Variants in ARID2 observed in about 807,000 individuals in gnomAD.
ARID2 encodes AT-rich interaction domain 2, also known as AT-rich interactive domain-containing protein 2.
In ARID2, 32 loss-of-function variants were observed where a neutral mutation model predicts 184.6. The observed-to-expected ratio is 0.17, with a 90% CI of 0.13 to 0.23. The LOEUF (loss-of-function observed/expected upper bound fraction) is 0.23. Ranked by LOEUF, ARID2 falls within the 10% of genes least tolerant of loss-of-function variation. The pLI is 1.00. For missense variants in ARID2, 1,696 were observed against 2,197.6 expected, an observed-to-expected ratio of 0.77 and a Z score of 4.56; for synonymous variants, 836 against 772.6, an observed-to-expected ratio of 1.08 and a Z score of -1.36.
intron 20 of ARID2, among the ~76,000 whole-genome samples, chr12:45,899,463 G>A (rs981750224): frequency 3.3e-5 from 5 of 149,412 alleles, no homozygotes; most frequent in Non-Finnish European, 4.4e-5. Context: ...AAAATTAGCT[G>A]GGCGTGGTGG....
At chr12:45,765,514 GTTTT>G (rs561418730) in intron 3 of ARID2, among the ~76,000 whole-genome samples, 2 of 140,650 alleles carry the variant, frequency 1.4e-5, no homozygotes, top group African/African-American at 2.6e-5. Flanking sequence ...CCTGGCCTCG[GTTTT>G]TTTTTTTTTT....
chr12:45,892,140 A>G, intron 18 of ARID2, 44 bp downstream of exon 18: 2 of 1,563,666 alleles, frequency 1.3e-6, no homozygotes, highest in South Asian at 2.4e-5. Flanking sequence ...ACAAAAAGAA[A>G]CTAGGCAAAA....
At chr12:45,754,038 A>T (rs1941518179) in intron 3 of ARID2, among the ~76,000 whole-genome samples, 1 of 152,238 alleles carries the variant, frequency 6.6e-6, no homozygotes. Flanking sequence ...TTTAACTAAT[A>T]GTATCATTGA....
At chr12:45,775,211 T>G (rs1941952732) in intron 3 of ARID2, among the ~76,000 whole-genome samples, 1 of 152,196 alleles carries the variant, frequency 6.6e-6, no homozygotes, top group South Asian at 2.1e-4. Flanking sequence ...TGCTAGTACT[T>G]TAGGACGTAA....
intron 3 of ARID2, among the ~76,000 whole-genome samples, chr12:45,801,706 A>G (rs990203556): frequency 4.6e-5 from 7 of 152,132 alleles, no homozygotes; most frequent in Non-Finnish European, 5.9e-5. Flanking sequence ...TCGCCACCCT[A>G]TACTCTTGAA....
chr12:45,901,901 C>T (rs1452387688), intron 20 of ARID2, among the ~76,000 whole-genome samples: 1 of 151,952 alleles, frequency 6.6e-6, no homozygotes. Flanking sequence ...TGGTCTTGAA[C>T]TCCTCAACTC....
At chr12:45,821,616 T>A in intron 6 of ARID2, 129 bp downstream of exon 6, 1 of 444,692 alleles carries the variant, frequency 2.2e-6, no homozygotes, top group Non-Finnish European at 3.9e-6. Context: ...ACATATGCCA[T>A]ACACAACGAT....
intron 16 of ARID2, among the ~76,000 whole-genome samples, chr12:45,872,675 G>A (rs994684679): frequency 2.6e-5 from 4 of 152,198 alleles, no homozygotes; most frequent in Non-Finnish European, 5.9e-5. Context: ...CAGCACGGGC[G>A]TAACCGCATG....
At chr12:45,847,630 A>G (rs1012634193) in intron 12 of ARID2, among the ~76,000 whole-genome samples, 2 of 152,074 alleles carry the variant, frequency 1.3e-5, no homozygotes, top group Non-Finnish European at 2.9e-5. Flanking sequence ...TTCCAATGAT[A>G]TATCACTTTA....
At position 45,899,467 on chromosome 12, in the gene ARID2, G is replaced by T. The variant is rs541617452; in HGVS notation, c.5364-5467G>T. On this transcript the variant is annotated intron_variant, in intron 20 of 20. Transcript: ENST00000334344. ...AAATATACAAAAAAATTAGCTGGGCGTGGTGGCGGGCGCCTGTAGTCCCAG... is the reference window on the plus strand; with the variant it reads ...AAATATACAAAAAAATTAGCTGGGCTTGGTGGCGGGCGCCTGTAGTCCCAG... 1.3e-4 allele frequency among the ~76,000 whole-genome samples: 19 copies of T among 149,436 alleles called. 1 individual carries two copies. The highest frequency in any genetic ancestry group is 2.0e-4 in the Admixed American group (3 of 14,978).
chr12:45,765,925 T>G (rs1486638664), intron 3 of ARID2, among the ~76,000 whole-genome samples: 2 of 152,212 alleles, frequency 1.3e-5, no homozygotes, highest in African/African-American at 4.8e-5. Context: ...ATAAATGAAA[T>G]CATACAATTT....
intron 15 of ARID2, among the ~76,000 whole-genome samples, chr12:45,857,724 T>C (rs1475588039): frequency 6.6e-6 from 1 of 152,178 alleles, no homozygotes; most frequent in African/African-American, 2.4e-5. Flanking sequence ...TGAAGACTTA[T>C]ACATTTAGCT....
In ARID2 at chr12:45,849,615, A is replaced by C. The variant is rs2138156627; in HGVS notation, c.1751A>C (p.Glu584Ala). The change falls in exon 14 of 21, where the codon GAG (glutamate) becomes GCG (alanine). Residue 584 changes from glutamate to alanine, a missense_variant. By Grantham distance (107) the Glu-to-Ala change is moderately radical. This residue lies in a region of ARID2 where 713 missense variants were observed against 824.4 expected (regional missense o/e 0.86). Transcript: ENST00000334344. ...CCAAATCATACAGTGAAGAGAGTGG[A>C]GGATTCCAGTAGCAATGGGCAGGCA... is the stretch of plus-strand genomic sequence containing the variant. The part of the protein sequence containing the change: ...VFPNHTVKRV[E>A]DSSSNGQAHI... The C allele has an allele frequency of 6.2e-7, 1 of 1,613,514 alleles. No homozygotes were observed. The highest frequency in any genetic ancestry group is 8.5e-7 in the Non-Finnish European group (1 of 1,179,608).
chr12:45,738,759 T>C (rs1025621842), intron 3 of ARID2, among the ~76,000 whole-genome samples: 1 of 148,678 alleles, frequency 6.7e-6, no homozygotes, highest in Non-Finnish European at 1.5e-5. Flanking sequence ...AACTTTTTTC[T>C]TCCTGGGGCA....
chr12:45,746,149 G>T (rs1382568883), intron 3 of ARID2, among the ~76,000 whole-genome samples: 1 of 151,258 alleles, frequency 6.6e-6, no homozygotes, highest in African/African-American at 2.4e-5. Context: ...TGCCACCCAG[G>T]CTGGAGAATG....
At chr12:45,885,983 C>A (rs111334598) in intron 16 of ARID2, among the ~76,000 whole-genome samples, 2 of 152,264 alleles carry the variant, frequency 1.3e-5, no homozygotes, top group East Asian at 3.9e-4. Context: ...CATGTCCTCA[C>A]ATTTCAAAAC....
At chr12:45,797,190 A>G (rs1942407325) in intron 3 of ARID2, among the ~76,000 whole-genome samples, 1 of 152,088 alleles carries the variant, frequency 6.6e-6, no homozygotes, top group Admixed American at 6.5e-5. Flanking sequence ...ATCATTTAGT[A>G]TTGTGTTATA....
chr12:45,893,429 T>A lies in ARID2; in HGVS notation c.5157T>A (p.Thr1719=), dbSNP rs1944329449. 3 of 1,612,784 alleles carry A rather than the reference T, an allele frequency of 1.9e-6. No homozygotes were observed. Among genetic ancestry groups the A allele is most frequent in the African/African-American group, 2.7e-5 (2 of 74,818 alleles). The change falls in exon 19 of 21, where the codon ACT becomes ACA. Residue 1719 remains threonine, a synonymous_variant. Coordinates refer to ENST00000334344, the MANE Select transcript of ARID2 (RefSeq NM_152641.4). ...TCTCTGATCAATTTAGGCAGCCAAC[T>A]GTAGGGGGCACAAGCTCAACTCCTA... is the stretch of plus-strand genomic sequence containing the variant. ...GSQKSSTKQP[T]VGGTSSTPRA... is the part of the protein sequence containing the mutation.
intron 11 of ARID2, chr12:45,839,821 A>G (rs1232873239): frequency 4.7e-6 from 1 of 213,026 alleles, no homozygotes; most frequent in Non-Finnish European, 9.4e-6. Context: ...TGGGAAATTG[A>G]CATGCCAGGA....
Sources: gnomAD v4.1 joint callset for allele counts (sites outside exome capture counted in the v4.1 genomes callset) on GRCh38, gnomAD v4.1.1 for gene constraint, gnomAD v4.1.1 regional missense constraint, MANE v1.5 for transcripts, NCBI Gene and HGNC (gene_info 2026-07-23, HGNC 2026-07-21) for gene names.